The following DMD variants were observed in gnomAD, a reference collection of about 807,000 sequenced individuals.
DMD encodes the protein dystrophin.
A neutral mutation model predicts 330.1 loss-of-function variants in DMD; 63 were observed. The ratio of observed to expected loss-of-function variants is 0.19; its 90% CI spans 0.16 to 0.24. DMD has a LOEUF of 0.24. Ranked by LOEUF, DMD falls within the 10% of genes least tolerant of loss-of-function variation. The probability of loss-of-function intolerance (pLI) is 1.00; values close to 1 mark genes in which losing one functional copy is unlikely to be tolerated. For synonymous variants in DMD, 1,223 were observed against 959.8 expected, an observed-to-expected ratio of 1.27 and a Z score of -5.07; for missense variants, 3,344 against 2,684.1, an observed-to-expected ratio of 1.25 and a Z score of -5.43.
chrX:31,619,951 A>G (rs1181468312), intron 55 of DMD, among the ~76,000 whole-genome samples: 2 of 112,179 alleles, frequency 1.8e-5, no homozygotes, highest in African/African-American at 6.5e-5. Context: ...AATTTTCTGC[A>G]TTCAGTCTTT....
At chrX:31,241,339 T>C (rs577271479) in intron 63 of DMD, among the ~76,000 whole-genome samples, 1 of 111,602 alleles carries the variant, frequency 9.0e-6, no homozygotes, top group Admixed American at 9.6e-5. Flanking sequence ...CTGAGCCTCA[T>C]CTGCACAATG....
At chrX:32,597,139 T>A (rs1165507427) in intron 12 of DMD, among the ~76,000 whole-genome samples, 1 of 111,835 alleles carries the variant, frequency 8.9e-6, no homozygotes, top group Admixed American at 9.5e-5. Flanking sequence ...TTAAATCATT[T>A]CTTTATCATT....
At chrX:32,596,249 T>G (rs1182208372) in intron 12 of DMD, among the ~76,000 whole-genome samples, 1 of 109,271 alleles carries the variant, frequency 9.2e-6, no homozygotes, top group Admixed American at 9.8e-5. Context: ...AACAAACTCT[T>G]GATCCAACAA....
chrX:31,955,897 C>A (rs68171664), intron 45 of DMD, among the ~76,000 whole-genome samples: 16,463 of 111,370 alleles, frequency 0.15, 1,022 homozygotes, highest in African/African-American at 0.23. Context: ...TAGACTTAGG[C>A]CATAAAATGA....
intron 13 of DMD, among the ~76,000 whole-genome samples, chrX:32,594,553 C>T (rs1477412657): frequency 9.0e-6 from 1 of 111,420 alleles, no homozygotes; most frequent in African/African-American, 3.3e-5. Flanking sequence ...CTTCTAATTA[C>T]GTCTACCAGA....
chrX:32,469,355 A>G (rs2040378814), intron 22 of DMD, among the ~76,000 whole-genome samples: 1 of 110,338 alleles, frequency 9.1e-6, no homozygotes, highest in African/African-American at 3.3e-5. Flanking sequence ...TAAAATAATA[A>G]AGGCTCATGA....
chrX:31,649,304 T>C lies in DMD; in HGVS notation c.8027+8686A>G, dbSNP rs887123392. Among the ~76,000 whole-genome samples, 3 of 111,659 alleles carry C rather than the reference T, an allele frequency of 2.7e-5. No homozygotes were observed. In the Admixed American group the frequency reaches 2.9e-4, roughly 11 times the overall value. On this transcript the variant is annotated intron_variant, in intron 54 of 78. Coordinates refer to ENST00000357033, the MANE Select transcript of DMD (RefSeq NM_004006.3). ...GTTGGTTCAGCCCAGTTCAGGACTG[T>C]AGGACTGGGTTAGAATGAAAATGGC...
chrX:31,186,245 C>CAAT lies in DMD; in HGVS notation c.9808-3344_9808-3342dup, dbSNP rs750766214. Among the ~76,000 whole-genome samples the CAAT allele has an allele frequency of 7.1e-5, 8 of 112,101 alleles. No individual in the cohort carries two copies. The South Asian group carries it at 3.0e-3, about 42-fold the overall frequency. ...CTACTGTTTACCAAAGACCTAGAAT[C>CAAT]AATCTAAATGCCCACCAATGGAAGA... is the stretch of plus-strand genomic sequence containing the variant. On this transcript the variant is annotated intron_variant, in intron 67 of 78. Transcript: ENST00000357033.
chrX:31,840,430 T>C, intron 48 of DMD, among the ~76,000 whole-genome samples: 1 of 110,857 alleles, frequency 9.0e-6, no homozygotes, highest in Non-Finnish European at 1.9e-5. Context: ...CATATATGTA[T>C]AATATGCACA....
At chrX:31,636,138 A>G (rs1243444891) in intron 54 of DMD, among the ~76,000 whole-genome samples, 1 of 111,512 alleles carries the variant, frequency 9.0e-6, no homozygotes, top group Admixed American at 9.6e-5. Context: ...TGGGAGCTAA[A>G]TGATGAGAAC....
intron 2 of DMD, among the ~76,000 whole-genome samples, chrX:32,871,143 GTTT>G (rs11374044): frequency 9.5e-6 from 1 of 105,719 alleles, no homozygotes; most frequent in African/African-American, 3.5e-5. Flanking sequence ...CTTTTCCCGT[GTTT>G]TTTTTCTCTT....
intron 63 of DMD, among the ~76,000 whole-genome samples, chrX:31,248,575 G>C (rs942977820): frequency 9.0e-6 from 1 of 111,436 alleles, no homozygotes; most frequent in South Asian, 3.8e-4. Flanking sequence ...CTGCATAGAG[G>C]GTTGGTTGCC....
intron 62 of DMD, among the ~76,000 whole-genome samples, chrX:31,316,879 A>T (rs1240775234): frequency 8.9e-6 from 1 of 112,065 alleles, no homozygotes; most frequent in Non-Finnish European, 1.9e-5. Context: ...ATTCACCAGC[A>T]TCCTCAAAGA....
intron 63 of DMD, among the ~76,000 whole-genome samples, chrX:31,241,920 C>G (rs2048336508): frequency 9.0e-6 from 1 of 111,127 alleles, no homozygotes; most frequent in South Asian, 3.8e-4. Context: ...TAATTTAAGG[C>G]ACTTAGTTCA....
intron 62 of DMD, among the ~76,000 whole-genome samples, chrX:31,267,219 A>C (rs1017636503): frequency 7.1e-5 from 8 of 112,567 alleles, no homozygotes; most frequent in African/African-American, 2.6e-4. Flanking sequence ...TAGCAAGACT[A>C]CTTGTTGTCT....
intron 62 of DMD, among the ~76,000 whole-genome samples, chrX:31,284,585 TTCTTCTTCTTCTTCTTCTTC>T (rs1569516752): frequency 1.0e-5 from 1 of 98,235 alleles, no homozygotes. Flanking sequence ...CTTCTTCTTC[TTCTTCTTCTTCTTCTTCTTC>T]TTTTTTTTGG....
intron 9 of DMD, among the ~76,000 whole-genome samples, chrX:32,681,943 G>A (rs376297351): frequency 9.0e-6 from 1 of 111,705 alleles, no homozygotes; most frequent in South Asian, 3.8e-4. Flanking sequence ...TCCAGGAAGA[G>A]GGAGATACAT....
chrX:32,472,401 C>T, intron 21 of DMD, 92 bp from the exon 22 acceptor site: 1 of 880,717 alleles, frequency 1.1e-6, no homozygotes, highest in Non-Finnish European at 1.6e-6. Context: ...AATTATATTA[C>T]TAGTTTCAAA....
intron 12 of DMD, among the ~76,000 whole-genome samples, chrX:32,599,140 G>C (rs1199754540): frequency 8.9e-6 from 1 of 112,182 alleles, no homozygotes; most frequent in Admixed American, 9.5e-5. Context: ...TGGTAAAACA[G>C]TAAGCACGTC....
Sources: allele counts gnomAD v4.1 joint callset (sites outside exome capture counted in the v4.1 genomes callset), GRCh38; gene constraint gnomAD v4.1.1; transcripts MANE v1.5; gene names NCBI Gene and HGNC (gene_info 2026-07-23, HGNC 2026-07-21).